Variants in ZDHHC17 observed in about 807,000 individuals in gnomAD.
ZDHHC17 encodes palmitoyltransferase ZDHHC17.
ZDHHC17 carries 40 observed loss-of-function variants against 90.3 expected under a neutral mutation model. The ratio of observed to expected loss-of-function variants is 0.44; its 90% CI spans 0.34 to 0.58. The LOEUF is 0.58. Among genes scored for constraint, ZDHHC17 ranks in the 20% least tolerant of loss-of-function variants. ZDHHC17 has a pLI of 0.01. For missense variants in ZDHHC17, 614 were observed against 780.8 expected (o/e 0.79, Z 2.55); for synonymous variants, 235 against 252.4 (o/e 0.93, Z 0.65).
intron 1 of ZDHHC17, among the ~76,000 whole-genome samples, chr12:76,791,694 A>G (rs1952761649): frequency 6.6e-6 from 1 of 152,108 alleles, no homozygotes. Context: ...CATAGACGCA[A>G]CAAGTCAAGG....
At chr12:76,799,664 G>A (rs1320027329) in intron 2 of ZDHHC17, among the ~76,000 whole-genome samples, 1 of 152,212 alleles carries the variant, frequency 6.6e-6, no homozygotes, top group African/African-American at 2.4e-5. Context: ...TGAACAATTT[G>A]ATTTTAAGGT....
At chr12:76,783,878 CAG>C (rs1206567624) in intron 1 of ZDHHC17, among the ~76,000 whole-genome samples, 8 of 152,164 alleles carry the variant, frequency 5.3e-5, no homozygotes, top group African/African-American at 1.9e-4. Flanking sequence ...AATGTAAAAA[CAG>C]TGGAGAGAGA....
chr12:76,849,338 A>AC, intron 15 of ZDHHC17, 38 bp from the exon 16 acceptor site: 1 of 1,135,450 alleles, frequency 8.8e-7, no homozygotes, highest in South Asian at 1.5e-5. Flanking sequence ...AAAAAAAAAA[A>AC]AAACAAGAAT....
intron 10 of ZDHHC17, among the ~76,000 whole-genome samples, chr12:76,834,982 C>T (rs530252222): frequency 7.3e-6 from 1 of 136,992 alleles, no homozygotes; most frequent in East Asian, 2.2e-4. Flanking sequence ...TATCTTAGCT[C>T]TTTTTGGCCT....
chr12:76,774,256 A>ATGTGTGTGT (rs1565757965), intron 1 of ZDHHC17, among the ~76,000 whole-genome samples: 1 of 92,700 alleles, frequency 1.1e-5, no homozygotes, highest in Non-Finnish European at 2.3e-5. Flanking sequence ...TCTCAAAATA[A>ATGTGTGTGT]AGAATGTGTG....
chr12:76,817,999 A>AT (rs1482983197), intron 7 of ZDHHC17, among the ~76,000 whole-genome samples: 2 of 151,944 alleles, frequency 1.3e-5, no homozygotes, highest in Non-Finnish European at 2.9e-5. Context: ...TTTTAAATTC[A>AT]TTTTTTTCCA....
chr12:76,824,092 ATT>A (rs1953199886), intron 8 of ZDHHC17, among the ~76,000 whole-genome samples: 2 of 152,182 alleles, frequency 1.3e-5, no homozygotes, highest in East Asian at 1.9e-4. Context: ...ATATATGTAT[ATT>A]CACACACACA....
At chr12:76,832,988 C>T (rs1054961732) in intron 10 of ZDHHC17, among the ~76,000 whole-genome samples, 2 of 152,138 alleles carry the variant, frequency 1.3e-5, no homozygotes, top group African/African-American at 2.4e-5. Context: ...TAAATTTTAT[C>T]ATGGAGGTGT....
intron 1 of ZDHHC17, among the ~76,000 whole-genome samples, chr12:76,794,010 C>T (rs1040646639): frequency 4.3e-4 from 65 of 152,110 alleles, no homozygotes; most frequent in African/African-American, 1.5e-3. Context: ...CTCAGCCTCC[C>T]GAGTAGCTGG....
At chr12:76,849,893 A>G (rs1953542090) in intron 16 of ZDHHC17, among the ~76,000 whole-genome samples, 1 of 152,116 alleles carries the variant, frequency 6.6e-6, no homozygotes, top group Admixed American at 6.5e-5. Context: ...CATAGGTACA[A>G]AAATTATATA....
intron 1 of ZDHHC17, among the ~76,000 whole-genome samples, chr12:76,780,419 A>G (rs1042355207): frequency 2.0e-5 from 3 of 152,182 alleles, no homozygotes; most frequent in African/African-American, 7.2e-5. Flanking sequence ...TACACTTAAC[A>G]TCATTAGTTT....
At chr12:76,780,563 T>G (rs147239974) in intron 1 of ZDHHC17, among the ~76,000 whole-genome samples, 2 of 152,220 alleles carry the variant, frequency 1.3e-5, no homozygotes, top group Non-Finnish European at 2.9e-5. Flanking sequence ...AATAAAATTC[T>G]TAAAAAGTTG....
intron 3 of ZDHHC17, among the ~76,000 whole-genome samples, chr12:76,807,591 GT>G (rs1354177983): frequency 1.2e-4 from 19 of 152,294 alleles, no homozygotes; most frequent in Admixed American, 1.1e-3. Flanking sequence ...ATACTGAGAA[GT>G]TTACAATGAA....
Position 76,845,712 on chromosome 12 carries a change from C to T in ZDHHC17, c.1333C>T (p.Arg445Ter). Residue 445 changes from arginine (R) to a stop codon, truncating the protein, a stop_gained, in exon 13 of 17, where the codon CGA (arginine) becomes TGA (stop). Coordinates refer to ENST00000426126, the MANE Select transcript of ZDHHC17 (RefSeq NM_015336.4). LOFTEE classifies it high-confidence loss of function. ...LSIFCSTCLI[R>*]KPVRSKHCGV... ...CCTTTAACATGCCTATTAACAGATA[C>T]GAAAACCGGTGAGGTCCAAACATTG... The T allele has an allele frequency of 1.3e-6, 2 of 1,595,546 alleles. No homozygotes were observed. The highest frequency in any genetic ancestry group is 1.7e-6 in the Non-Finnish European group (2 of 1,167,724).
intron 2 of ZDHHC17, among the ~76,000 whole-genome samples, chr12:76,801,381 C>T (rs1001212225): frequency 2.6e-5 from 4 of 151,664 alleles, no homozygotes; most frequent in South Asian, 2.1e-4. Flanking sequence ...GGGCCGGGCA[C>T]GGTGGCTCAT....
chr12:76,819,317 T>A (rs1259272828), intron 7 of ZDHHC17, among the ~76,000 whole-genome samples: 5 of 152,136 alleles, frequency 3.3e-5, no homozygotes, highest in East Asian at 1.9e-4. Flanking sequence ...ACATTTATTT[T>A]AAAAAAATAC....
intron 10 of ZDHHC17, among the ~76,000 whole-genome samples, chr12:76,836,005 A>G (rs1388149736): frequency 2.0e-5 from 3 of 151,462 alleles, no homozygotes; most frequent in Non-Finnish European, 4.4e-5. Context: ...GATTTTTCTA[A>G]TGTTGAACCA....
rs1953258911 is a variant in ZDHHC17 at position 76,828,548 on chromosome 12, A to G, written c.1141+58A>G. 5 of 1,469,790 alleles carry G rather than the reference A, an allele frequency of 3.4e-6. No individual in the cohort carries two copies. In the South Asian group the frequency reaches 4.6e-5, roughly 14 times the overall value. The allele number at this position is 1,469,790 out of a possible 1,614,324, so 91.0% of individuals were successfully genotyped here. ...CAAATTTTGTTTGTTATTTGAATAG[A>G]TGTTTAATAATTTGACATTAGGACT... is the stretch of plus-strand genomic sequence containing the variant. On this transcript the variant is annotated intron_variant, in intron 10 of 16. Coordinates refer to ENST00000426126, the MANE Select transcript of ZDHHC17 (RefSeq NM_015336.4).
chr12:76,809,896 T>G, intron 5 of ZDHHC17, 39 bp downstream of exon 5: 1 of 1,583,954 alleles, frequency 6.3e-7, no homozygotes, highest in Non-Finnish European at 8.6e-7. Context: ...TAATCAGATG[T>G]TCTTCATAGT....
Sources: gnomAD v4.1 joint callset for allele counts (sites outside exome capture counted in the v4.1 genomes callset) on GRCh38, gnomAD v4.1.1 for gene constraint, MANE v1.5 for transcripts, NCBI Gene and HGNC (gene_info 2026-07-23, HGNC 2026-07-21) for gene names.